The following NME6 variants were observed in gnomAD, a reference collection of about 807,000 sequenced individuals.
NME6 encodes the protein NME/NM23 nucleoside diphosphate kinase 6.
A neutral mutation model predicts 22.2 loss-of-function variants in NME6; 16 were observed. That is an observed-to-expected ratio of 0.72 (90% CI 0.49 to 1.09). The LOEUF (loss-of-function observed/expected upper bound fraction) is 1.09, where lower values mean the gene tolerates loss of function less well. Among genes scored for constraint, NME6 ranks in the 50% least tolerant of loss-of-function variants. The pLI is 0.00. For missense variants in NME6, 229 were observed against 239.0 expected (o/e 0.96, Z 0.28); for synonymous variants, 58 against 85.2 (o/e 0.68, Z 1.76).
At chr3:48,290,459 C>T (rs1490277101), downstream of NME6, among the ~76,000 whole-genome samples, 1 of 152,092 alleles carries the variant, frequency 6.6e-6, no homozygotes, top group Non-Finnish European at 1.5e-5. Flanking sequence ...AAATACTTAG[C>T]ATTTTGTAGT....
At chr3:48,300,618 T>C (rs2035590260) in intron 1 of NME6, 2 of 288,494 alleles carry the variant, frequency 6.9e-6, no homozygotes, top group African/African-American at 2.2e-5. Flanking sequence ...GGGGTTCTCG[T>C]GGCAAGAACA....
chr3:48,289,717 G>C (rs998830741), downstream of NME6, among the ~76,000 whole-genome samples: 4 of 152,170 alleles, frequency 2.6e-5, no homozygotes, highest in African/African-American at 7.2e-5. Context: ...GTAGCAATAG[G>C]TAACTAGTGT....
chr3:48,291,367 C>T (rs1575307134), downstream of NME6: 4 of 459,878 alleles, frequency 8.7e-6, no homozygotes, highest in Admixed American at 5.0e-5. Context: ...TTTTCTTTTG[C>T]TCTCACATGC....
intron 1 of NME6, chr3:48,301,140 G>A (rs1045903242): frequency 3.4e-6 from 3 of 880,318 alleles, no homozygotes; most frequent in Non-Finnish European, 5.1e-6. Context: ...GCCCAGCCCT[G>A]GTCCACCCAC....
In NME6 at chr3:48,293,827, G is replaced by T. The variant is rs1439785624; in HGVS notation, c.*810C>A. 1 of 152,208 alleles carries T rather than the reference G, an allele frequency of 6.6e-6. No individual in the cohort carries two copies. Among genetic ancestry groups the T allele is most frequent in the Non-Finnish European group, 1.5e-5 (1 of 68,046 alleles). 9.4% of individuals were successfully genotyped at this position (152,208 alleles called of 1,614,324 possible). On this transcript the variant is annotated 3_prime_UTR_variant, in exon 6 of 6. Coordinates refer to ENST00000442597, the MANE Select transcript of NME6 (RefSeq NM_001308426.2). The stretch of plus-strand genomic sequence containing the variant: ...ATGAAAATAAATGTTTGCATAAGCT[G>T]ATAAAGGAGATGAAGAAAAACACAC...
At chr3:48,300,293 G>A (rs1400449462) in intron 1 of NME6, 1 of 456,748 alleles carries the variant, frequency 2.2e-6, no homozygotes, top group Non-Finnish European at 4.4e-6. Flanking sequence ...AGCCTCATCT[G>A]GAACCCCACA....
Position 48,292,714 on chromosome 3 carries a change from T to G in NME6, c.*1923A>C, listed in dbSNP as rs1311001091. ...ACAGGCTCGCGCCACCACGCTTGGC[T>G]AATTTTTGTATTTTTAGTAGAGACG... On this transcript the variant is annotated 3_prime_UTR_variant, in exon 6 of 6. Coordinates refer to ENST00000442597, the MANE Select transcript of NME6 (RefSeq NM_001308426.2). 1 of 152,038 alleles carries G rather than the reference T, an allele frequency of 6.6e-6. No homozygotes were observed. The highest frequency in any genetic ancestry group is 1.5e-5 in the Non-Finnish European group (1 of 68,034). The allele number at this position is 152,038 out of a possible 1,614,324, so 9.4% of individuals were successfully genotyped here. A position where few individuals can be genotyped will look rare whatever the true frequency, so the allele number is the denominator to read the frequency against.
rs999655502 is a variant in NME6 at position 48,293,137 on chromosome 3, C to G, written c.*1500G>C. Reference sequence around the variant, plus strand: ...AAGTTCTACTCAGCTTCTTAGCTGCCTCTTCCAGAATCAGCAGGTGCCCTT... The same window carrying G: ...AAGTTCTACTCAGCTTCTTAGCTGCGTCTTCCAGAATCAGCAGGTGCCCTT... On this transcript the variant is annotated 3_prime_UTR_variant, in exon 6 of 6. Transcript: ENST00000442597. 1 of 152,238 alleles carries G rather than the reference C, an allele frequency of 6.6e-6. No homozygotes were observed. Among genetic ancestry groups the G allele is most frequent in the Admixed American group, 6.5e-5 (1 of 15,282 alleles). 9.4% of individuals were successfully genotyped at this position (152,238 alleles called of 1,614,324 possible). A position where few individuals can be genotyped will look rare whatever the true frequency, so the allele number is the denominator to read the frequency against.
Position 48,296,800 on chromosome 3 carries a change from C to T in NME6, c.120G>A (p.Lys40=), listed in dbSNP as rs747807908. Residue 40 remains lysine (K), a synonymous_variant, in exon 3 of 6, where the codon AAG becomes AAA. Transcript: ENST00000442597. ...GTTCTCTCATTCGTACAATCAGGAA[C>T]TTGTTGCTTAGAATCTGCTGATGAA... is the stretch of plus-strand genomic sequence containing the variant. ...EAVHQQILSN[K]FLIVRMRELL... is the part of the protein sequence containing the mutation. 1.8e-5 allele frequency: 29 copies of T among 1,613,590 alleles called. No homozygotes were observed. The highest frequency in any genetic ancestry group is 2.5e-5 in the Non-Finnish European group (29 of 1,179,902).
chr3:48,292,346 G>C lies in NME6; in HGVS notation c.*2291C>G, dbSNP rs371623787. 6.6e-6 allele frequency: 1 copy of C among 152,148 alleles called. No homozygotes were observed. The highest frequency in any genetic ancestry group is 6.5e-5 in the Admixed American group (1 of 15,270). 9.4% of individuals were successfully genotyped at this position (152,148 alleles called of 1,614,324 possible). ...ATTCGACACCACAGGGTTTATTCTA[G>C]TTTTCTCCCTTTCCATATTTGTGGG... On this transcript the variant is annotated 3_prime_UTR_variant, in exon 6 of 6. Coordinates refer to ENST00000442597, the MANE Select transcript of NME6 (RefSeq NM_001308426.2).
rs1348075280 is a variant in NME6, at chr3:48,301,159, G to C, written c.-8+194C>G. ...AGCCCTGGTCCACCCACGCGCGGCCGGGACCTGCGCCCCTACCCCCGTGGC... is the reference window on the plus strand; with the variant it reads ...AGCCCTGGTCCACCCACGCGCGGCCCGGACCTGCGCCCCTACCCCCGTGGC... On this transcript the variant is annotated intron_variant, in intron 1 of 5. Coordinates refer to ENST00000442597, the MANE Select transcript of NME6 (RefSeq NM_001308426.2). The C allele has an allele frequency of 4.5e-6, 5 of 1,102,036 alleles. No homozygotes were observed. In the African/African-American group the frequency reaches 4.9e-5, roughly 11 times the overall value. The allele number at this position is 1,102,036 out of a possible 1,614,324, so 68.3% of individuals were successfully genotyped here.
At position 48,293,583 on chromosome 3, in the gene NME6, TAA is replaced by T. The variant is rs1053898555; in HGVS notation, c.*1052_*1053del. 6.6e-6 allele frequency: 1 copy of T among 152,196 alleles called. No individual in the cohort carries two copies. Among genetic ancestry groups the T allele is most frequent in the Non-Finnish European group, 1.5e-5 (1 of 68,054 alleles). The allele number at this position is 152,196 out of a possible 1,614,324, so 9.4% of individuals were successfully genotyped here. On this transcript the variant is annotated 3_prime_UTR_variant, in exon 6 of 6. Transcript: ENST00000442597. Reference sequence around the variant, plus strand: ...GTTCCAAAGCCAGCTATATCTTTTATAAAAGACTTTCCACCCTATCTCCTTCA... The same window carrying T: ...GTTCCAAAGCCAGCTATATCTTTTATAAGACTTTCCACCCTATCTCCTTCA...
At chr3:48,298,942 T>A (rs1326566158) in intron 1 of NME6, 1 of 702,852 alleles carries the variant, frequency 1.4e-6, no homozygotes, top group Non-Finnish European at 2.6e-6. Context: ...TCTTAAAATC[T>A]TCCATCCCAT....
At chr3:48,295,971 C>T (rs1169821078) in intron 4 of NME6, 148 bp downstream of exon 4, 2 of 682,178 alleles carry the variant, frequency 2.9e-6, no homozygotes, top group African/African-American at 3.6e-5. Flanking sequence ...CCCGCCTCAG[C>T]CTCCCAAAGT....
At chr3:48,299,175 T>C (rs1383042799) in intron 1 of NME6, 1 of 509,560 alleles carries the variant, frequency 2.0e-6, no homozygotes, top group African/African-American at 1.9e-5. Flanking sequence ...GTCATAACCA[T>C]TTTGCATCTG....
At chr3:48,301,138 C>T in intron 1 of NME6, 1 of 865,012 alleles carries the variant, frequency 1.2e-6, no homozygotes, top group Non-Finnish European at 1.7e-6. Context: ...CGGCCCAGCC[C>T]TGGTCCACCC....
downstream of NME6, among the ~76,000 whole-genome samples, chr3:48,288,243 T>A (rs1211271789): frequency 6.6e-6 from 1 of 151,684 alleles, no homozygotes; most frequent in Non-Finnish European, 1.5e-5. Flanking sequence ...TCGTCCAGCA[T>A]AATGGAGCAT....
rs746293449 is a variant in NME6, at chr3:48,292,502, G to A, written c.*2135C>T. 8.6e-5 allele frequency: 13 copies of A among 151,978 alleles called. No homozygotes were observed. The highest frequency in any genetic ancestry group is 1.6e-4 in the Non-Finnish European group (11 of 68,000). The allele number at this position is 151,978 out of a possible 1,614,324, so 9.4% of individuals were successfully genotyped here. A position where few individuals can be genotyped will look rare whatever the true frequency, so the allele number is the denominator to read the frequency against. ...AATGCAACAAAATATCAATTTTGTT[G>A]ATACTTTGTGGGCTGAGATGTTGAC... is the stretch of plus-strand genomic sequence containing the variant. On this transcript the variant is annotated 3_prime_UTR_variant, in exon 6 of 6. Coordinates refer to ENST00000442597, the MANE Select transcript of NME6 (RefSeq NM_001308426.2).
chr3:48,294,491 T>C lies in NME6; in HGVS notation c.*146A>G. On this transcript the variant is annotated 3_prime_UTR_variant, in exon 6 of 6. Transcript: ENST00000442597. ...ATAGAAGGCTAGATCCTGGAGGATG[T>C]GCTGTGGTGAGCTAGGCCCTCAGGC... 3 of 671,826 alleles carry C rather than the reference T, an allele frequency of 4.5e-6. No homozygotes were observed. The highest frequency in any genetic ancestry group is 7.6e-6 in the Non-Finnish European group (3 of 393,684). 41.6% of individuals were successfully genotyped at this position (671,826 alleles called of 1,614,324 possible).
Sources: allele counts gnomAD v4.1 joint callset (sites outside exome capture counted in the v4.1 genomes callset), GRCh38; gene constraint gnomAD v4.1.1; transcripts MANE v1.5; gene names NCBI Gene and HGNC (gene_info 2026-07-23, HGNC 2026-07-21).